The following BMPR1B variants were observed in gnomAD, a reference collection of about 807,000 sequenced individuals.
BMPR1B encodes bone morphogenetic protein receptor type 1B.
A neutral mutation model predicts 59.1 loss-of-function variants in BMPR1B; 12 were observed. That is an observed-to-expected ratio of 0.20 (90% confidence interval 0.13 to 0.33). The LOEUF (loss-of-function observed/expected upper bound fraction) is 0.33. BMPR1B is among the 10% of genes least tolerant of loss of function. The pLI is 1.00. For missense variants in BMPR1B, 550 were observed against 610.9 expected (o/e 0.90, Z 1.05); for synonymous variants, 237 against 207.3 (o/e 1.14, Z -1.23).
At chr4:95,003,545 AC>A (rs2149112343) in intron 3 of BMPR1B, among the ~76,000 whole-genome samples, 2 of 152,318 alleles carry the variant, frequency 1.3e-5, no homozygotes, top group East Asian at 3.9e-4. Flanking sequence ...GTTAAGCCAG[AC>A]CAAATAATAT....
chr4:95,068,360 T>C (rs1446415122), intron 3 of BMPR1B, among the ~76,000 whole-genome samples: 1 of 152,190 alleles, frequency 6.6e-6, no homozygotes, highest in African/African-American at 2.4e-5. Flanking sequence ...CAGTACTGTC[T>C]ACATTGGGCA....
At chr4:94,829,327 C>CTTTTTTTTTTTTTTTTT (rs35278466) in intron 1 of BMPR1B, among the ~76,000 whole-genome samples, 2 of 136,938 alleles carry the variant, frequency 1.5e-5, no homozygotes, top group Non-Finnish European at 3.1e-5. Context: ...TTTTATTTTC[C>CTTTTTTTTTTTTTTTTT]TTTTTTTTTT....
intron 10 of BMPR1B, among the ~76,000 whole-genome samples, chr4:95,134,855 CTTTAG>C (rs1560681634): frequency 6.6e-6 from 1 of 152,128 alleles, no homozygotes; most frequent in Non-Finnish European, 1.5e-5. Context: ...TGCAGAAGCT[CTTTAG>C]TTTAATTAGA....
intron 1 of BMPR1B, among the ~76,000 whole-genome samples, chr4:94,800,814 C>A (rs1298903753): frequency 6.6e-6 from 1 of 152,166 alleles, no homozygotes; most frequent in South Asian, 2.1e-4. Flanking sequence ...GATTTAGCCA[C>A]TGTCCTCAAG....
chr4:94,787,647 G>C (rs772293925), intron 1 of BMPR1B, among the ~76,000 whole-genome samples: 1 of 152,050 alleles, frequency 6.6e-6, no homozygotes, highest in African/African-American at 2.4e-5. Context: ...CCACGTCTTT[G>C]GTTCTTCATT....
chr4:94,855,305 T>TGAA, intron 1 of BMPR1B, among the ~76,000 whole-genome samples: 1 of 152,206 alleles, frequency 6.6e-6, no homozygotes, highest in South Asian at 2.1e-4. Context: ...TATCTTCATT[T>TGAA]GATAGAAAAG....
At chr4:94,766,506 G>A in intron 1 of BMPR1B, among the ~76,000 whole-genome samples, 1 of 150,466 alleles carries the variant, frequency 6.6e-6, no homozygotes. Flanking sequence ...ATACCTGTGA[G>A]TATATACTGG....
intron 1 of BMPR1B, among the ~76,000 whole-genome samples, chr4:94,837,585 T>A (rs1286131051): frequency 7.0e-6 from 1 of 143,036 alleles, no homozygotes; most frequent in Non-Finnish European, 1.5e-5. Context: ...ATAAGAATGC[T>A]TGTGATTTTT....
chr4:94,907,261 C>A (rs529940212), intron 2 of BMPR1B, among the ~76,000 whole-genome samples: 2 of 152,012 alleles, frequency 1.3e-5, no homozygotes, highest in African/African-American at 4.8e-5. Context: ...CCTAGAAATA[C>A]GTCATTGGCA....
At chr4:94,806,468 A>G (rs149600456) in intron 1 of BMPR1B, among the ~76,000 whole-genome samples, 5 of 152,314 alleles carry the variant, frequency 3.3e-5, no homozygotes, top group African/African-American at 4.8e-5. Context: ...TATTTCCTCA[A>G]TGAGTTAAAT....
chr4:94,799,681 GTTTTGTTTTTGT>G (rs750362352), intron 1 of BMPR1B, among the ~76,000 whole-genome samples: 3 of 150,732 alleles, frequency 2.0e-5, no homozygotes, highest in Non-Finnish European at 3.0e-5. Flanking sequence ...CTTTTTAGTT[GTTTTGTTTTTGT>G]TTTTGTTTTT....
rs140050722 is a variant in BMPR1B, at chr4:94,913,649, C to CTG, written c.-113+37765_-113+37766dup. Among the ~76,000 whole-genome samples the CTG allele has an allele frequency of 2.1e-3, 313 of 150,618 alleles. 1 individual carries two copies. The highest frequency in any genetic ancestry group is 5.4e-3 in the African/African-American group (221 of 41,162). ...GCTTATTCTTACTAATTAATTATCT[C>CTG]TGTGTGTGTGTGTGTGTAGCCTACA... On this transcript the variant is annotated intron_variant, in intron 2 of 12. Coordinates refer to ENST00000515059, the MANE Select transcript of BMPR1B (RefSeq NM_001203.3).
chr4:95,034,374 C>G (rs1725081333), intron 3 of BMPR1B, among the ~76,000 whole-genome samples: 1 of 151,936 alleles, frequency 6.6e-6, no homozygotes. Flanking sequence ...TTTTGGTGCA[C>G]CTATTACCTG....
chr4:95,082,441 C>T (rs1027903657), intron 3 of BMPR1B, among the ~76,000 whole-genome samples: 4 of 151,984 alleles, frequency 2.6e-5, no homozygotes, highest in African/African-American at 7.2e-5. Context: ...CAGCTCTAGT[C>T]CCCTCATCAT....
chr4:95,156,473 G>A lies in BMPR1B; in HGVS notation c.*1800G>A, dbSNP rs962993386. Reference sequence around the variant, plus strand: ...AAACATTTTCCTCACTTCTGAAGTCGGTTTGCAGCTGGTAACTTGTTCATC... The same window carrying A: ...AAACATTTTCCTCACTTCTGAAGTCAGTTTGCAGCTGGTAACTTGTTCATC... On this transcript the variant is annotated 3_prime_UTR_variant, in exon 13 of 13. Coordinates refer to ENST00000515059, the MANE Select transcript of BMPR1B (RefSeq NM_001203.3). 6 of 151,942 alleles carry A rather than the reference G, an allele frequency of 3.9e-5. No individual in the cohort carries two copies. The highest frequency in any genetic ancestry group is 7.4e-5 in the Non-Finnish European group (5 of 67,966). The allele number at this position is 151,942 out of a possible 1,614,324, so 9.4% of individuals were successfully genotyped here. A position where few individuals can be genotyped will look rare whatever the true frequency, so the allele number is the denominator to read the frequency against.
In BMPR1B at chr4:95,074,351, G is replaced by T. The variant is rs114853858; in HGVS notation, c.-17-30057G>T. ...TGAAAAATACTTAGAATAGTGCCTG[G>T]AACGCTGGTTTTGTTTGCCTTGAGA... is the stretch of plus-strand genomic sequence containing the variant. On this transcript the variant is annotated intron_variant, in intron 3 of 12. Transcript: ENST00000515059. Among the ~76,000 whole-genome samples, 699 of 152,202 alleles carry T rather than the reference G, an allele frequency of 4.6e-3. 6 individuals are homozygous for T. The highest frequency in any genetic ancestry group is 0.016 in the African/African-American group (676 of 41,528).
intron 2 of BMPR1B, among the ~76,000 whole-genome samples, chr4:94,879,119 T>C (rs543060622): frequency 1.8e-4 from 27 of 152,318 alleles, no homozygotes; most frequent in African/African-American, 6.5e-4. Context: ...TCATTTAGCA[T>C]TAGGTATATC....
At chr4:94,841,198 G>A (rs1165097092) in intron 1 of BMPR1B, among the ~76,000 whole-genome samples, 3 of 149,620 alleles carry the variant, frequency 2.0e-5, no homozygotes, top group Non-Finnish European at 4.5e-5. Context: ...AGTCTGCAGA[G>A]GTTACTGCTG....
intron 8 of BMPR1B, among the ~76,000 whole-genome samples, chr4:95,128,193 C>G (rs569098453): frequency 1.2e-4 from 18 of 152,168 alleles, no homozygotes; most frequent in African/African-American, 4.1e-4. Context: ...GACCTAATCC[C>G]TAGAATTTTA....
Sources: allele counts gnomAD v4.1 joint callset (sites outside exome capture counted in the v4.1 genomes callset), GRCh38; gene constraint gnomAD v4.1.1; transcripts MANE v1.5; gene names NCBI Gene and HGNC (gene_info 2026-07-23, HGNC 2026-07-21).